The following KCND2 variants were observed in gnomAD, a reference collection of about 807,000 sequenced individuals.
The protein encoded by KCND2 is A-type voltage-gated potassium channel KCND2.
Under a neutral mutation model 54.4 loss-of-function variants are expected in KCND2, and 16 were observed. That is an observed-to-expected ratio of 0.29 (90% confidence interval 0.20 to 0.45). KCND2 has a LOEUF of 0.45. Ranked by LOEUF, KCND2 falls within the 20% of genes least tolerant of loss-of-function variation. The pLI is 1.00. For missense variants in KCND2, 486 were observed against 824.2 expected, an observed-to-expected ratio of 0.59 and a Z score of 5.02; for synonymous variants, 317 against 310.7, an observed-to-expected ratio of 1.02 and a Z score of -0.21.
At chr7:120,494,802 C>A (rs532844182) in intron 1 of KCND2, among the ~76,000 whole-genome samples, 1 of 152,184 alleles carries the variant, frequency 6.6e-6, no homozygotes, top group South Asian at 2.1e-4. Flanking sequence ...TATATCACAG[C>A]ATTTTAAAGT....
At chr7:120,605,803 T>C (rs1265922567) in intron 1 of KCND2, among the ~76,000 whole-genome samples, 1 of 152,208 alleles carries the variant, frequency 6.6e-6, no homozygotes, top group African/African-American at 2.4e-5. Flanking sequence ...TTGATATTCA[T>C]TGTCCTTATG....
chr7:120,600,393 A>G (rs1792799394), intron 1 of KCND2, among the ~76,000 whole-genome samples: 1 of 151,912 alleles, frequency 6.6e-6, no homozygotes, highest in African/African-American at 2.4e-5. Flanking sequence ...AGTGCCATCA[A>G]CTCTTAGAGT....
At chr7:120,298,384 C>A (rs1285218244) in intron 1 of KCND2, among the ~76,000 whole-genome samples, 1 of 152,096 alleles carries the variant, frequency 6.6e-6, no homozygotes, top group East Asian at 1.9e-4. Context: ...TGAGAAGAAC[C>A]AGAAATGTGA....
At chr7:120,394,083 G>T (rs1801116350) in intron 1 of KCND2, among the ~76,000 whole-genome samples, 1 of 151,916 alleles carries the variant, frequency 6.6e-6, no homozygotes, top group Non-Finnish European at 1.5e-5. Flanking sequence ...TCATCCGATG[G>T]GTTCTTCCTG....
intron 1 of KCND2, among the ~76,000 whole-genome samples, chr7:120,324,196 TTA>T (rs1184792745): frequency 6.6e-6 from 1 of 150,396 alleles, no homozygotes; most frequent in African/African-American, 2.5e-5. Flanking sequence ...ATTCTGGATA[TTA>T]GCCCTTTGTC....
intron 1 of KCND2, among the ~76,000 whole-genome samples, chr7:120,286,164 T>C (rs1252247564): frequency 6.6e-6 from 1 of 152,014 alleles, no homozygotes; most frequent in African/African-American, 2.4e-5. Context: ...TTCTGTTTCC[T>C]TTATTATTTT....
intron 1 of KCND2, among the ~76,000 whole-genome samples, chr7:120,442,768 T>C (rs1801961923): frequency 6.6e-6 from 1 of 152,118 alleles, no homozygotes; most frequent in Non-Finnish European, 1.5e-5. Flanking sequence ...TGTACAAAGG[T>C]GGCCAGTGTG....
At chr7:120,497,530 A>G (rs1193855464) in intron 1 of KCND2, among the ~76,000 whole-genome samples, 2 of 152,202 alleles carry the variant, frequency 1.3e-5, no homozygotes, top group African/African-American at 4.8e-5. Flanking sequence ...CCCTAATTTC[A>G]GGAGGCAAGT....
At chr7:120,680,426 A>C (rs1465223441) in intron 1 of KCND2, among the ~76,000 whole-genome samples, 1 of 152,160 alleles carries the variant, frequency 6.6e-6, no homozygotes, top group Non-Finnish European at 1.5e-5. Flanking sequence ...CAACTGTTTC[A>C]TCGCCGTATA....
chr7:120,513,428 A>G (rs893458237), intron 1 of KCND2, among the ~76,000 whole-genome samples: 1 of 152,072 alleles, frequency 6.6e-6, no homozygotes, highest in Non-Finnish European at 1.5e-5. Flanking sequence ...CCCACTTATG[A>G]TACAGATTTA....
chr7:120,474,642 G>T (rs1802508139), intron 1 of KCND2, among the ~76,000 whole-genome samples: 1 of 151,862 alleles, frequency 6.6e-6, no homozygotes, highest in African/African-American at 2.4e-5. Context: ...GGGATTACAG[G>T]CCTGAATTAA....
intron 1 of KCND2, among the ~76,000 whole-genome samples, chr7:120,646,895 A>T (rs1191221823): frequency 1.3e-5 from 2 of 152,160 alleles, no homozygotes; most frequent in African/African-American, 4.8e-5. Flanking sequence ...GTTTACTCAG[A>T]TATGTTTGAA....
chr7:120,513,855 A>G (rs1157762865), intron 1 of KCND2, among the ~76,000 whole-genome samples: 1 of 152,130 alleles, frequency 6.6e-6, no homozygotes, highest in Non-Finnish European at 1.5e-5. Context: ...AGGTCCTACA[A>G]ATTAAAACTA....
chr7:120,347,417 G>T (rs1800336308), intron 1 of KCND2, among the ~76,000 whole-genome samples: 1 of 152,090 alleles, frequency 6.6e-6, no homozygotes, highest in Admixed American at 6.6e-5. Context: ...CTGCATTAAG[G>T]AGCTAAGTAA....
intron 1 of KCND2, among the ~76,000 whole-genome samples, chr7:120,657,442 A>G (rs1173872699): frequency 1.3e-5 from 2 of 152,138 alleles, no homozygotes; most frequent in Non-Finnish European, 2.9e-5. Flanking sequence ...CTTGCTAGGT[A>G]GAAGAGTTTA....
chr7:120,745,081 A>C (rs956600289), intron 4 of KCND2, among the ~76,000 whole-genome samples: 1 of 152,190 alleles, frequency 6.6e-6, no homozygotes, highest in South Asian at 2.1e-4. Flanking sequence ...TCATGAGTAC[A>C]GCCAGTGATG....
At chr7:120,395,777 G>A (rs1192116613) in intron 1 of KCND2, among the ~76,000 whole-genome samples, 1 of 151,988 alleles carries the variant, frequency 6.6e-6, no homozygotes, top group African/African-American at 2.4e-5. Flanking sequence ...TGAGGCTGGT[G>A]GGAGTGTCAT....
At chr7:120,485,282 T>C (rs1359190267) in intron 1 of KCND2, among the ~76,000 whole-genome samples, 2 of 152,206 alleles carry the variant, frequency 1.3e-5, no homozygotes, top group African/African-American at 4.8e-5. Context: ...GTTTGCATTC[T>C]GGACATTATT....
chr7:120,552,742 C>T (rs1232779296), intron 1 of KCND2, among the ~76,000 whole-genome samples: 2 of 151,956 alleles, frequency 1.3e-5, no homozygotes, highest in African/African-American at 2.4e-5. Context: ...TCAGGGAGTC[C>T]TGCATACACC....
Sources: gnomAD v4.1 joint callset for allele counts (sites outside exome capture counted in the v4.1 genomes callset) on GRCh38, gnomAD v4.1.1 for gene constraint, MANE v1.5 for transcripts, NCBI Gene and HGNC (gene_info 2026-07-23, HGNC 2026-07-21) for gene names.